FMO3: variants seen among roughly 807,000 people sequenced by gnomAD.
FMO3 encodes the protein flavin-containing monooxygenase 3.
Under a neutral mutation model 39.4 loss-of-function variants are expected in FMO3, and 40 were observed. The observed-to-expected ratio is 1.02, with a 90% CI of 0.79 to 1.32. The LOEUF is 1.32. FMO3 is among the 40% of genes most tolerant of loss of function. FMO3 has a pLI of 0.00. For synonymous variants in FMO3, 219 were observed against 228.8 expected (o/e 0.96, Z 0.39); for missense variants, 680 against 651.8 (o/e 1.04, Z -0.47).
chr1:171,116,560 A>G lies in FMO3; in HGVS notation c.1256+280A>G, dbSNP rs186682700. 5.6e-3 allele frequency among the ~76,000 whole-genome samples: 859 copies of G among 152,324 alleles called. 4 individuals are homozygous for G. The highest frequency in any genetic ancestry group is 8.5e-3 in the Non-Finnish European group (581 of 68,028). On this transcript the variant is annotated intron_variant, in intron 8 of 8. Coordinates refer to ENST00000367755, the MANE Select transcript of FMO3 (RefSeq NM_001002294.3). Reference sequence around the variant, plus strand: ...CTCCATGCCTCCTGTAATATATATCATAGAAAGGAGACCCAGAAAGGATTT... The same window carrying G: ...CTCCATGCCTCCTGTAATATATATCGTAGAAAGGAGACCCAGAAAGGATTT...
intron 7 of FMO3, among the ~76,000 whole-genome samples, chr1:171,115,009 G>T (rs12405599): frequency 0.14 from 21,883 of 152,080 alleles, 1,967 homozygotes; most frequent in Non-Finnish European, 0.2. Flanking sequence ...TTGGGGTCAG[G>T]CAAGAAAGGC....
chr1:171,101,331 G>T (rs12404455), intron 2 of FMO3: 62,481 of 422,142 alleles, frequency 0.15, 5,656 homozygotes, highest in Non-Finnish European at 0.2. Context: ...GCAGCCACAA[G>T]AAACTAATAC....
rs1655739173 is a variant in FMO3, at chr1:171,108,201, C to T, written c.607C>T (p.Leu203Phe). The T allele has an allele frequency of 2.5e-6, 4 of 1,613,710 alleles. No homozygotes were observed. The highest frequency in any genetic ancestry group is 1.3e-5 in the African/African-American group (1 of 74,882). The change falls in exon 5 of 9, where the codon CTC (leucine) becomes TTC (phenylalanine). Residue 203 changes from leucine to phenylalanine, a missense_variant. Transcript: ENST00000367755. ...GNSGCDIATE[L>F]SRTAEQVMIS... ...TTCGGGCTGTGATATTGCCACAGAA[C>T]TCAGCCGCACAGCAGAACAGGTACT...
chr1:171,098,972 T>A (rs1383052071), intron 2 of FMO3, among the ~76,000 whole-genome samples: 2 of 152,096 alleles, frequency 1.3e-5, no homozygotes, highest in Non-Finnish European at 1.5e-5. Context: ...CTTCTCTAGT[T>A]CTTTTAATTG....
chr1:171,092,683 G>A lies in FMO3; in HGVS notation c.25G>A (p.Gly9Arg), dbSNP rs1435929345. Residue 9 changes from glycine (G) to arginine (R), a missense_variant, in exon 2 of 9, where the codon GGA becomes AGA. Transcript: ENST00000367755. ...CATGGGGAAGAAAGTGGCCATCATTGGAGCTGGTGTGAGTGGCTTGGCCTC... is the reference window on the plus strand; with the variant it reads ...CATGGGGAAGAAAGTGGCCATCATTAGAGCTGGTGTGAGTGGCTTGGCCTC... MGKKVAII[G>R]AGVSGLASIR... 1.9e-6 allele frequency: 3 copies of A among 1,614,062 alleles called. No individual in the cohort carries two copies. The highest frequency in any genetic ancestry group is 2.5e-6 in the Non-Finnish European group (3 of 1,180,026).
rs571167741 is a variant in FMO3, at chr1:171,107,568, T to C, written c.322-107T>C. On this transcript the variant is annotated intron_variant, in intron 3 of 8. Transcript: ENST00000367755. ...GAATTTTAAATTTGTAATATGTATC[T>C]TAATCATTAAATATTTTTCTTAACC... 92 of 808,468 alleles carry C rather than the reference T, an allele frequency of 1.1e-4. 2 individuals carry two copies. In the South Asian group the frequency reaches 1.3e-3, roughly 12 times the overall value. The allele number at this position is 808,468 out of a possible 1,614,324, so 50.1% of individuals were successfully genotyped here. A position where few individuals can be genotyped will look rare whatever the true frequency, so the allele number is the denominator to read the frequency against.
intron 2 of FMO3, among the ~76,000 whole-genome samples, chr1:171,103,127 T>C (rs1264335184): frequency 1.3e-5 from 2 of 152,180 alleles, no homozygotes; most frequent in African/African-American, 2.4e-5. Context: ...ATTGAAATTA[T>C]GCAAGGTTGA....
At chr1:171,092,874 C>CTGTG in intron 2 of FMO3, 84 bp downstream of exon 2, 1 of 1,390,184 alleles carries the variant, frequency 7.2e-7, no homozygotes, top group Non-Finnish European at 1.0e-6. Flanking sequence ...GTTTCCAAAC[C>CTGTG]TGCTACCATG....
In FMO3 at chr1:171,110,307, G is replaced by C. The variant is rs143805859; in HGVS notation, c.628-491G>C. On this transcript the variant is annotated intron_variant, in intron 5 of 8. Transcript: ENST00000367755. ...TGTAGACAGCAATAGTTAGATAAGT[G>C]CTAGGGAAAACGTGACTAGAATTCA... Among the ~76,000 whole-genome samples, 395 of 152,296 alleles carry C rather than the reference G, an allele frequency of 2.6e-3. 2 individuals are homozygous for C. The highest frequency in any genetic ancestry group is 8.8e-3 in the African/African-American group (365 of 41,564).
In FMO3 at chr1:171,107,781, T is replaced by C. The variant is rs951676823; in HGVS notation, c.428T>C (p.Val143Ala). 6.2e-7 allele frequency: 1 copy of C among 1,613,864 alleles called. No individual in the cohort carries two copies. Among genetic ancestry groups the C allele is most frequent in the African/African-American group, 1.3e-5 (1 of 74,928 alleles). ...GKKESAVFDA[V>A]MVCSGHHVYP... ...AAAGAATCGGCTGTCTTTGATGCTG[T>C]AATGGTTTGTTCCGGACATCATGTG... Residue 143 changes from valine (V) to alanine (A), a missense_variant, in exon 4 of 9, where the codon GTA becomes GCA. Val to Ala is a moderately conservative substitution (Grantham distance 64). Coordinates refer to ENST00000367755, the MANE Select transcript of FMO3 (RefSeq NM_001002294.3).
At chr1:171,098,439 AT>A (rs1222950439) in intron 2 of FMO3, among the ~76,000 whole-genome samples, 3 of 152,126 alleles carry the variant, frequency 2.0e-5, no homozygotes, top group African/African-American at 7.2e-5. Context: ...ATGTTCTTCC[AT>A]TTGTTTGTGT....
chr1:171,099,762 T>TC (rs1655282507), intron 2 of FMO3: 3 of 38,200 alleles, frequency 7.9e-5, no homozygotes, highest in South Asian at 8.8e-4. Flanking sequence ...TGTCTTTCTT[T>TC]TTTTTTTTTT....
chr1:171,105,911 T>C (rs979651110), intron 3 of FMO3, among the ~76,000 whole-genome samples: 3 of 152,104 alleles, frequency 2.0e-5, no homozygotes, highest in African/African-American at 7.2e-5. Context: ...ATTATCTTAA[T>C]CTTTATCTTA....
At chr1:171,113,974 C>A in intron 6 of FMO3, 33 bp from the exon 7 acceptor site, 3 of 1,390,032 alleles carry the variant, frequency 2.2e-6, no homozygotes, top group Non-Finnish European at 3.0e-6. Flanking sequence ...GGAAATATTA[C>A]ACTTCCAATA....
chr1:171,102,917 G>A (rs1409593494), intron 2 of FMO3, among the ~76,000 whole-genome samples: 1 of 152,052 alleles, frequency 6.6e-6, no homozygotes, highest in Non-Finnish European at 1.5e-5. Flanking sequence ...GTGCTTAAAA[G>A]GCATGCAATG....
At chr1:171,092,850 C>T (rs1022563782) in intron 2 of FMO3, 60 bp downstream of exon 2, 25 of 1,558,616 alleles carry the variant, frequency 1.6e-5, no homozygotes, top group Non-Finnish European at 2.1e-5. Context: ...TAAGAGCACA[C>T]TGTGTGCACA....
intron 1 of FMO3, 40 bp from the exon 2 acceptor site, chr1:171,092,613 C>T: frequency 1.2e-6 from 2 of 1,607,244 alleles, no homozygotes; most frequent in East Asian, 2.2e-5. Flanking sequence ...ACATTTTCAG[C>T]AATGTTGTTA....
chr1:171,113,961 G>A (rs529947715), intron 6 of FMO3, 46 bp from the exon 7 acceptor site: 2 of 1,336,842 alleles, frequency 1.5e-6, no homozygotes, highest in East Asian at 4.7e-5. Flanking sequence ...AATAAAACAA[G>A]AGGGAAATAT....
chr1:171,094,382 T>C (rs28745582), intron 2 of FMO3, among the ~76,000 whole-genome samples: 2,974 of 152,282 alleles, frequency 0.02, 41 homozygotes, highest in Middle Eastern at 0.051. Flanking sequence ...GTTGAATGCA[T>C]AGCTTGCAAA....
Sources: allele counts gnomAD v4.1 joint callset (sites outside exome capture counted in the v4.1 genomes callset), GRCh38; gene constraint gnomAD v4.1.1; transcripts MANE v1.5; gene names NCBI Gene and HGNC (gene_info 2026-07-23, HGNC 2026-07-21).